DMD: variants seen among roughly 807,000 people sequenced by gnomAD.
DMD encodes the protein dystrophin.
In DMD, 63 loss-of-function variants were observed where a neutral mutation model predicts 330.1. That is an observed-to-expected ratio of 0.19 (90% CI 0.16 to 0.24). The LOEUF is 0.24. DMD is among the 10% of genes least tolerant of loss of function. The pLI is 1.00. For synonymous variants in DMD, 1,223 were observed against 959.8 expected (o/e 1.27, Z -5.07); for missense variants, 3,344 against 2,684.1 (o/e 1.25, Z -5.43).
At chrX:32,332,444 G>GT (rs780913925) in intron 41 of DMD, among the ~76,000 whole-genome samples, 2 of 98,878 alleles carry the variant, frequency 2.0e-5, no homozygotes, top group Admixed American at 1.1e-4. Flanking sequence ...GTGTGTGTGT[G>GT]GTGTATGTGC....
chrX:32,640,744 C>T (rs973520642), intron 11 of DMD, among the ~76,000 whole-genome samples: 2 of 111,452 alleles, frequency 1.8e-5, no homozygotes, highest in African/African-American at 6.5e-5. Context: ...CTTAACTGGC[C>T]AACTTCACTG....
At chrX:32,723,216 T>A (rs764842171) in intron 7 of DMD, among the ~76,000 whole-genome samples, 4 of 111,788 alleles carry the variant, frequency 3.6e-5, no homozygotes, top group Non-Finnish European at 7.5e-5. Flanking sequence ...TTTCTGTTAA[T>A]GTAGTATGTC....
rs866652157 is a variant in DMD, at chrX:32,252,801, T to C, written c.6290+34728A>G. On this transcript the variant is annotated intron_variant, in intron 43 of 78. Coordinates refer to ENST00000357033, the MANE Select transcript of DMD (RefSeq NM_004006.3). ...ATATATAAATATATATAAATATATATATAAATATATATAAGTATATAAATA... is the reference window on the plus strand; with the variant it reads ...ATATATAAATATATATAAATATATACATAAATATATATAAGTATATAAATA... 1.1e-3 allele frequency among the ~76,000 whole-genome samples: 77 copies of C among 68,383 alleles called. 2 individuals carry two copies. The South Asian group carries it at 0.014, about 12-fold the overall frequency. 59.4% of individuals were successfully genotyped at this position (68,383 alleles called of 115,157 possible).
At chrX:32,719,844 C>T (rs1371009638) in intron 7 of DMD, among the ~76,000 whole-genome samples, 1 of 109,933 alleles carries the variant, frequency 9.1e-6, no homozygotes, top group Non-Finnish European at 1.9e-5. Flanking sequence ...ACACAATGCC[C>T]TTTTCCAACC....
intron 48 of DMD, among the ~76,000 whole-genome samples, chrX:31,853,056 G>A (rs776123061): frequency 8.9e-6 from 1 of 111,885 alleles, no homozygotes; most frequent in African/African-American, 3.2e-5. Context: ...GCTAATTTTT[G>A]TGTTTTTAGT....
At chrX:33,013,293 T>C (rs1357243737) in intron 2 of DMD, among the ~76,000 whole-genome samples, 2 of 111,410 alleles carry the variant, frequency 1.8e-5, no homozygotes, top group Non-Finnish European at 1.9e-5. Context: ...TAATTTTCAG[T>C]AGGATTATTA....
intron 7 of DMD, among the ~76,000 whole-genome samples, chrX:32,803,990 C>T (rs772416997): frequency 1.8e-5 from 2 of 111,865 alleles, no homozygotes; most frequent in African/African-American, 6.5e-5. Flanking sequence ...CAGAGCTGAG[C>T]TCAAGTACTG....
At chrX:32,146,092 T>A (rs1034640865) in intron 44 of DMD, among the ~76,000 whole-genome samples, 1 of 112,187 alleles carries the variant, frequency 8.9e-6, no homozygotes, top group Non-Finnish European at 1.9e-5. Context: ...ATACTATGTA[T>A]CCCTACTGTT....
At chrX:32,669,423 CCTAA>C (rs1476099725) in intron 9 of DMD, among the ~76,000 whole-genome samples, 4 of 111,707 alleles carry the variant, frequency 3.6e-5, no homozygotes, top group East Asian at 2.8e-4. Flanking sequence ...TTAAATCGTA[CCTAA>C]CTATGTCTCC....
chrX:31,155,846 A>G (rs1423860289), intron 74 of DMD, among the ~76,000 whole-genome samples: 1 of 110,237 alleles, frequency 9.1e-6, no homozygotes, highest in Admixed American at 9.7e-5. Context: ...AAAATTAGCC[A>G]TATGTCGTGA....
chrX:31,710,909 T>C (rs1468167818), intron 52 of DMD, among the ~76,000 whole-genome samples: 2 of 111,290 alleles, frequency 1.8e-5, no homozygotes, highest in East Asian at 5.6e-4. Context: ...TTAAAAATAA[T>C]CATTAACCTG....
chrX:33,067,923 ATAC>A (rs1169816723), intron 1 of DMD, among the ~76,000 whole-genome samples: 1 of 112,083 alleles, frequency 8.9e-6, no homozygotes, highest in Non-Finnish European at 1.9e-5. Flanking sequence ...TGATTCCATA[ATAC>A]TGATTCTCAT....
chrX:31,895,902 T>G (rs1478516681), intron 47 of DMD, among the ~76,000 whole-genome samples: 2 of 112,096 alleles, frequency 1.8e-5, no homozygotes, highest in African/African-American at 6.5e-5. Context: ...ATTCTTTCAC[T>G]CTTACATTTG....
chrX:31,228,284 A>T (rs1320422881), intron 63 of DMD, among the ~76,000 whole-genome samples: 15 of 107,602 alleles, frequency 1.4e-4, no homozygotes, highest in African/African-American at 2.7e-4. Flanking sequence ...ATAAAAAAAA[A>T]AAAAAAAGAA....
chrX:31,945,937 A>T (rs1248579629), intron 45 of DMD, among the ~76,000 whole-genome samples: 1 of 112,115 alleles, frequency 8.9e-6, no homozygotes, highest in African/African-American at 3.2e-5. Context: ...TGCCATGAGT[A>T]CAAAAGCAAA....
At chrX:31,385,081 TACATGA>T (rs1002396462) in intron 60 of DMD, among the ~76,000 whole-genome samples, 2 of 112,233 alleles carry the variant, frequency 1.8e-5, no homozygotes, top group African/African-American at 6.5e-5. Context: ...TCAAAATTCC[TACATGA>T]AGGTTCACAA....
At position 32,717,085 on chromosome X, in the gene DMD, A is replaced by C. The variant is rs148943593; in HGVS notation, c.650-17792T>G. Among the ~76,000 whole-genome samples the C allele has an allele frequency of 9.2e-4, 102 of 111,111 alleles. 3 individuals are homozygous for C. In the East Asian group the frequency reaches 0.024, roughly 26 times the overall value. The stretch of plus-strand genomic sequence containing the variant: ...GCCTGACCATGTGGTAGAAAACAAA[A>C]GCCTATTTTCTCGGGGTGGTGGGGG... On this transcript the variant is annotated intron_variant, in intron 7 of 78. Transcript: ENST00000357033.
At chrX:32,391,024 G>A (rs1216478315) in intron 30 of DMD, among the ~76,000 whole-genome samples, 3 of 111,402 alleles carry the variant, frequency 2.7e-5, no homozygotes, top group East Asian at 2.8e-4. Context: ...AGACATTTTC[G>A]ATCAAGTTCT....
chrX:32,787,199 C>T (rs1330187536), intron 7 of DMD, among the ~76,000 whole-genome samples: 1 of 103,056 alleles, frequency 9.7e-6, no homozygotes. Flanking sequence ...AACTGTGAAT[C>T]AATCTCTCTG....
Sources: gnomAD v4.1 joint callset for allele counts (sites outside exome capture counted in the v4.1 genomes callset) on GRCh38, gnomAD v4.1.1 for gene constraint, MANE v1.5 for transcripts, NCBI Gene and HGNC (gene_info 2026-07-23, HGNC 2026-07-21) for gene names.